Variants in DIS3L2 observed in about 807,000 individuals in gnomAD.
The protein encoded by DIS3L2 is DIS3-like exonuclease 2.
Under a neutral mutation model 97.5 loss-of-function variants are expected in DIS3L2, and 34 were observed. The observed-to-expected ratio is 0.35, with a 90% CI of 0.27 to 0.46. DIS3L2 has a LOEUF of 0.46. DIS3L2 is among the 20% of genes least tolerant of loss of function. DIS3L2 has a pLI of 1.00. For synonymous variants in DIS3L2, 435 were observed against 445.2 expected (o/e 0.98, Z 0.29); for missense variants, 1,038 against 1,146.0 (o/e 0.91, Z 1.36).
At chr2:232,289,562 C>T (rs1000431340) in intron 13 of DIS3L2, among the ~76,000 whole-genome samples, 2 of 152,220 alleles carry the variant, frequency 1.3e-5, no homozygotes, top group East Asian at 3.9e-4. Context: ...CATGAGCCAC[C>T]GCGCCCAGCC....
chr2:232,046,749 G>C (rs1695253976), intron 5 of DIS3L2, among the ~76,000 whole-genome samples: 1 of 152,192 alleles, frequency 6.6e-6, no homozygotes, highest in South Asian at 2.1e-4. Context: ...AGAATATCTT[G>C]AGTTATTTTT....
At chr2:232,086,307 AT>A (rs1397846367) in intron 5 of DIS3L2, among the ~76,000 whole-genome samples, 2 of 147,564 alleles carry the variant, frequency 1.4e-5, no homozygotes, top group Non-Finnish European at 3.0e-5. Context: ...ATATATACAT[AT>A]GTATATGTAT....
At chr2:232,004,652 C>T (rs1694002295) in intron 1 of DIS3L2, among the ~76,000 whole-genome samples, 1 of 151,246 alleles carries the variant, frequency 6.6e-6, no homozygotes, top group South Asian at 2.1e-4. Context: ...GTGTTCTTGG[C>T]TCAGTGCAAC....
chr2:232,187,613 T>C (rs1037508758), intron 9 of DIS3L2, among the ~76,000 whole-genome samples: 1 of 152,052 alleles, frequency 6.6e-6, no homozygotes, highest in African/African-American at 2.4e-5. Context: ...CAGCTATTTT[T>C]TGTATTTTTA....
At chr2:232,060,271 G>A (rs1361715671) in intron 5 of DIS3L2, among the ~76,000 whole-genome samples, 4 of 151,942 alleles carry the variant, frequency 2.6e-5, no homozygotes, top group East Asian at 3.9e-4. Flanking sequence ...TGCTTTGGTC[G>A]CCTGTGCTTG....
intron 1 of DIS3L2, among the ~76,000 whole-genome samples, chr2:231,993,916 A>G (rs918037577): frequency 1.3e-5 from 2 of 152,050 alleles, no homozygotes; most frequent in African/African-American, 4.8e-5. Context: ...TCCTTTGTGA[A>G]TCATGCTTTT....
At chr2:232,003,662 G>T (rs1163611181) in intron 1 of DIS3L2, among the ~76,000 whole-genome samples, 2 of 152,066 alleles carry the variant, frequency 1.3e-5, no homozygotes, top group African/African-American at 2.4e-5. Context: ...TCTTTTATCT[G>T]AAAAATGTCT....
At chr2:232,192,737 G>A (rs1043496837) in intron 9 of DIS3L2, among the ~76,000 whole-genome samples, 1 of 152,184 alleles carries the variant, frequency 6.6e-6, no homozygotes, top group Admixed American at 6.5e-5. Context: ...AAGCCAGGAC[G>A]AGTTAGCCAT....
intron 5 of DIS3L2, among the ~76,000 whole-genome samples, chr2:232,044,615 TAGAGTTCAGA>T (rs2106256492): frequency 6.6e-6 from 1 of 152,298 alleles, no homozygotes; most frequent in East Asian, 1.9e-4. Context: ...TATTAGGATT[TAGAGTTCAGA>T]AGTCAGAGCT....
intron 1 of DIS3L2, among the ~76,000 whole-genome samples, chr2:231,988,903 T>G (rs1053488862): frequency 6.6e-6 from 1 of 152,238 alleles, no homozygotes; most frequent in Admixed American, 6.5e-5. Context: ...TGAACTGATA[T>G]GAACCTAGGG....
chr2:231,995,005 A>G (rs1372726874), intron 1 of DIS3L2, among the ~76,000 whole-genome samples: 3 of 151,248 alleles, frequency 2.0e-5, no homozygotes, highest in Admixed American at 1.3e-4. Flanking sequence ...AGATCTCACT[A>G]TTTTGCCCAG....
chr2:232,273,570 A>G (rs1694060622), intron 13 of DIS3L2, among the ~76,000 whole-genome samples: 1 of 152,210 alleles, frequency 6.6e-6, no homozygotes, highest in South Asian at 2.1e-4. Flanking sequence ...AGGGTTTAGA[A>G]CAAGGTATAA....
chr2:232,003,477 A>G (rs930736811), intron 1 of DIS3L2, among the ~76,000 whole-genome samples: 1 of 152,164 alleles, frequency 6.6e-6, no homozygotes, highest in Non-Finnish European at 1.5e-5. Flanking sequence ...ATTAGAAATA[A>G]TTTTCCTTAA....
chr2:232,329,785 T>TGCCCGGGGGGGGGGCCCCCC, intron 14 of DIS3L2, 28 bp from the exon 15 acceptor site: 6 of 967,128 alleles, frequency 6.2e-6, no homozygotes, highest in Non-Finnish European at 8.7e-6. Flanking sequence ...ACCCCAGCGG[T>TGCCCGGGGGGGGGGCCCCCC]CCCTCCCATC....
intron 9 of DIS3L2, among the ~76,000 whole-genome samples, chr2:232,167,010 CAA>C (rs199864891): frequency 1.8e-4 from 25 of 137,242 alleles, no homozygotes; most frequent in Admixed American, 2.9e-4. Flanking sequence ...GCGTCTCAGT[CAA>C]AAAAAAAAAA....
intron 5 of DIS3L2, among the ~76,000 whole-genome samples, chr2:232,078,775 C>T (rs796389661): frequency 2.6e-5 from 4 of 152,188 alleles, no homozygotes; most frequent in African/African-American, 9.6e-5. Flanking sequence ...GCCTAGATAA[C>T]AATAATGCAG....
At chr2:232,019,435 C>T (rs1349990097) in intron 3 of DIS3L2, among the ~76,000 whole-genome samples, 1 of 151,998 alleles carries the variant, frequency 6.6e-6, no homozygotes, top group Non-Finnish European at 1.5e-5. Flanking sequence ...GTATTCCTAG[C>T]TACTGGGAAG....
At chr2:232,272,801 T>C (rs1694039923) in intron 13 of DIS3L2, among the ~76,000 whole-genome samples, 1 of 152,200 alleles carries the variant, frequency 6.6e-6, no homozygotes, top group South Asian at 2.1e-4. Flanking sequence ...TTGTGCGACC[T>C]TCTCTGCTAG....
At chr2:232,113,412 C>A (rs2106334181) in intron 6 of DIS3L2, among the ~76,000 whole-genome samples, 1 of 152,330 alleles carries the variant, frequency 6.6e-6, no homozygotes, top group South Asian at 2.1e-4. Flanking sequence ...AGTACTAACA[C>A]CTTTGCCATG....
Sources: allele counts gnomAD v4.1 joint callset (sites outside exome capture counted in the v4.1 genomes callset), GRCh38; gene constraint gnomAD v4.1.1; transcripts MANE v1.5; gene names NCBI Gene and HGNC (gene_info 2026-07-23, HGNC 2026-07-21).